Variants in FGF12 observed in about 807,000 individuals in gnomAD.
FGF12 encodes fibroblast growth factor 12.
In FGF12, 14 loss-of-function variants were observed where a neutral mutation model predicts 23.6. The observed-to-expected ratio is 0.59, with a 90% CI of 0.39 to 0.93. The LOEUF is 0.93. FGF12 is among the 40% of genes least tolerant of loss of function. The probability of loss-of-function intolerance (pLI) is 0.00; values close to 1 mark genes in which losing one functional copy is unlikely to be tolerated. For missense variants in FGF12, 175 were observed against 217.8 expected (o/e 0.80, Z 1.24); for synonymous variants, 62 against 77.3 (o/e 0.80, Z 1.04).
intron 4 of FGF12, among the ~76,000 whole-genome samples, chr3:192,289,436 TA>T (rs1714637124): frequency 6.6e-6 from 1 of 151,980 alleles, no homozygotes; most frequent in Non-Finnish European, 1.5e-5. Context: ...AAAAGGAAGG[TA>T]AGAATAAAAC....
At chr3:192,512,027 A>G (rs566555504) in intron 2 of FGF12, among the ~76,000 whole-genome samples, 56 of 152,212 alleles carry the variant, frequency 3.7e-4, no homozygotes, top group Non-Finnish European at 7.5e-4. Flanking sequence ...CCAACTATTC[A>G]GCAATCTGTT....
intron 2 of FGF12, among the ~76,000 whole-genome samples, chr3:192,651,579 C>T (rs1716217250): frequency 6.6e-6 from 1 of 152,110 alleles, no homozygotes; most frequent in African/African-American, 2.4e-5. Context: ...ATATGCAACA[C>T]ATTTAAAATG....
At chr3:192,627,269 A>C (rs958408196) in intron 2 of FGF12, among the ~76,000 whole-genome samples, 1 of 152,004 alleles carries the variant, frequency 6.6e-6, no homozygotes, top group African/African-American at 2.4e-5. Context: ...ACATTGTCTC[A>C]GGGGCATTTC....
intron 2 of FGF12, among the ~76,000 whole-genome samples, chr3:192,546,355 A>C (rs941874510): frequency 2.0e-5 from 3 of 152,134 alleles, no homozygotes; most frequent in African/African-American, 7.2e-5. Flanking sequence ...AACCACAGTG[A>C]TCCCAGCTTT....
At chr3:192,457,183 C>T (rs1722707085) in intron 2 of FGF12, among the ~76,000 whole-genome samples, 1 of 152,174 alleles carries the variant, frequency 6.6e-6, no homozygotes, top group Non-Finnish European at 1.5e-5. Flanking sequence ...ACCTCTTTTA[C>T]TTCCCAGTCT....
chr3:192,395,508 A>C (rs925031988), intron 2 of FGF12, among the ~76,000 whole-genome samples: 2 of 152,198 alleles, frequency 1.3e-5, no homozygotes, highest in Non-Finnish European at 2.9e-5. Context: ...TCAGAGCCTG[A>C]CTATACTGAT....
intron 2 of FGF12, among the ~76,000 whole-genome samples, chr3:192,528,347 C>T (rs1489173547): frequency 6.6e-6 from 1 of 152,174 alleles, no homozygotes; most frequent in Non-Finnish European, 1.5e-5. Context: ...TCTCCTTTGA[C>T]TCCATGTCTC....
chr3:192,727,479 T>TTC lies in FGF12; in HGVS notation c.-131+4_-131+5insGA. On this transcript the variant is annotated splice_donor_region_variant and intron_variant, in intron 1 of 5. Transcript: ENST00000445105. ...CCGCTCAGATTTTTTTTTTTTTTTT[T>TTC]TTACCTGGGTCTGGAAGCTGCAGGC... is the stretch of plus-strand genomic sequence containing the variant. 1.3e-6 allele frequency: 1 copy of TTC among 764,494 alleles called. No individual in the cohort carries two copies. The highest frequency in any genetic ancestry group is 1.9e-5 in the South Asian group (1 of 51,454). 47.4% of individuals were successfully genotyped at this position (764,494 alleles called of 1,614,324 possible). A position where few individuals can be genotyped will look rare whatever the true frequency, so the allele number is the denominator to read the frequency against.
intron 4 of FGF12, chr3:192,267,137 A>G (rs1713127693): frequency 6.6e-6 from 1 of 152,192 alleles, no homozygotes; most frequent in Non-Finnish European, 1.5e-5. Context: ...AGATGTCACC[A>G]AGGTAAGCAA....
chr3:192,576,955 G>C (rs1712924204), intron 2 of FGF12, among the ~76,000 whole-genome samples: 1 of 152,108 alleles, frequency 6.6e-6, no homozygotes, highest in East Asian at 1.9e-4. Context: ...ACTAACACAA[G>C]AACAGAGTAC....
At chr3:192,649,697 A>G (rs1477642460) in intron 2 of FGF12, among the ~76,000 whole-genome samples, 2 of 151,184 alleles carry the variant, frequency 1.3e-5, no homozygotes, top group Non-Finnish European at 2.9e-5. Flanking sequence ...GCGGAATTAT[A>G]GGCGTGCACC....
intron 2 of FGF12, among the ~76,000 whole-genome samples, chr3:192,540,424 A>G (rs907836273): frequency 7.2e-5 from 11 of 151,898 alleles, no homozygotes; most frequent in Non-Finnish European, 1.0e-4. Flanking sequence ...CATACTGTCT[A>G]ATTTCCTCAT....
At position 192,409,475 on chromosome 3, in the gene FGF12, C is replaced by G. The variant is rs1244264919; in HGVS notation, c.14-48937G>C. Among the ~76,000 whole-genome samples the G allele has an allele frequency of 6.6e-6, 1 of 152,134 alleles. No homozygotes were observed. The highest frequency in any genetic ancestry group is 2.4e-5 in the African/African-American group (1 of 41,450). ...GTCATCGCCGCGCTGCTGCCCGTGC[C>G]CCCTAGGCTCGCGCGCCCCGGCAGT... On this transcript the variant is annotated intron_variant, in intron 2 of 5. Transcript: ENST00000445105. This position sits in a 1 kb window ranked among gnomAD's most constrained non-coding sequence, Gnocchi z 4.8.
chr3:192,425,095 A>C (rs1052593608), intron 2 of FGF12, among the ~76,000 whole-genome samples: 1 of 152,196 alleles, frequency 6.6e-6, no homozygotes, highest in African/African-American at 2.4e-5. Context: ...TTTCTACCAA[A>C]GCATTTATGT....
At chr3:192,456,817 T>C (rs952907947) in intron 2 of FGF12, among the ~76,000 whole-genome samples, 1 of 152,200 alleles carries the variant, frequency 6.6e-6, no homozygotes, top group Non-Finnish European at 1.5e-5. Context: ...TGAGAATGTA[T>C]GATTCCTATA....
chr3:192,341,028 T>C (rs1717663944), intron 3 of FGF12, among the ~76,000 whole-genome samples: 1 of 152,134 alleles, frequency 6.6e-6, no homozygotes, highest in Non-Finnish European at 1.5e-5. Context: ...AGGCAACTTA[T>C]GGAATGGGAG....
intron 4 of FGF12, among the ~76,000 whole-genome samples, chr3:192,218,608 A>G (rs1718318751): frequency 6.6e-6 from 1 of 152,170 alleles, no homozygotes; most frequent in East Asian, 1.9e-4. Context: ...CCCCAGAAGG[A>G]GAAGCCTATA....
intron 2 of FGF12, among the ~76,000 whole-genome samples, chr3:192,432,459 G>T (rs563661165): frequency 6.6e-6 from 1 of 152,034 alleles, no homozygotes; most frequent in African/African-American, 2.4e-5. Context: ...AATATGATGA[G>T]ATATCACTCT....
intron 2 of FGF12, among the ~76,000 whole-genome samples, chr3:192,708,114 C>T (rs1434450284): frequency 6.6e-6 from 1 of 152,092 alleles, no homozygotes; most frequent in Non-Finnish European, 1.5e-5. Flanking sequence ...CGCCTGCCAC[C>T]ACACCCGGCC....
Sources: gnomAD v4.1 joint callset for allele counts (sites outside exome capture counted in the v4.1 genomes callset) on GRCh38, gnomAD v4.1.1 for gene constraint, Gnocchi (gnomAD v3.1) non-coding constraint, MANE v1.5 for transcripts, NCBI Gene and HGNC (gene_info 2026-07-23, HGNC 2026-07-21) for gene names.